CNTN5: variants seen among roughly 807,000 people sequenced by gnomAD.
The protein encoded by CNTN5 is contactin 5.
In CNTN5, 77 loss-of-function variants were observed where a neutral mutation model predicts 129.1. The observed-to-expected ratio is 0.60, with a 90% CI of 0.50 to 0.72. The LOEUF (loss-of-function observed/expected upper bound fraction) is 0.72, where lower values mean the gene tolerates loss of function less well. Ranked by LOEUF, CNTN5 falls within the 30% of genes least tolerant of loss-of-function variation. The pLI, the probability that CNTN5 is intolerant of heterozygous loss-of-function variation, is 0.00. For missense variants in CNTN5, 1,478 were observed against 1,328.8 expected (o/e 1.11, Z -1.75); for synonymous variants, 509 against 465.6 (o/e 1.09, Z -1.20).
At chr11:99,358,006 AAAT>A (rs1040843972) in intron 2 of CNTN5, among the ~76,000 whole-genome samples, 3 of 147,564 alleles carry the variant, frequency 2.0e-5, no homozygotes, top group Non-Finnish European at 4.5e-5. Context: ...TCTGTCTCAA[AAAT>A]AATAATAATA....
At chr11:99,155,735 A>G (rs1591286774) in intron 1 of CNTN5, among the ~76,000 whole-genome samples, 2 of 152,196 alleles carry the variant, frequency 1.3e-5, no homozygotes, top group East Asian at 3.8e-4. Context: ...CAAAGTCACA[A>G]TGATGACAAT....
chr11:100,248,263 G>A (rs1467960481), intron 16 of CNTN5, among the ~76,000 whole-genome samples: 1 of 152,116 alleles, frequency 6.6e-6, no homozygotes, highest in Non-Finnish European at 1.5e-5. Flanking sequence ...AGAAACAACA[G>A]GGGTCAGGTA....
chr11:99,173,883 A>G (rs1042689477), intron 1 of CNTN5, among the ~76,000 whole-genome samples: 9 of 152,226 alleles, frequency 5.9e-5, no homozygotes, highest in African/African-American at 1.7e-4. Flanking sequence ...AGCCTAAGCA[A>G]GGATGGTGGC....
chr11:99,475,538 C>G lies in CNTN5; in HGVS notation c.-70-80607C>G, dbSNP rs1455340979. 2.0e-5 allele frequency among the ~76,000 whole-genome samples: 3 copies of G among 152,010 alleles called. No individual in the cohort carries two copies. In the East Asian group the frequency reaches 5.8e-4, roughly 29 times the overall value. ...GTTATATAGCTTACACTGTATTATACTTTTGTCCTCTTTCTAAAATTATTT... is the reference window on the plus strand; with the variant it reads ...GTTATATAGCTTACACTGTATTATAGTTTTGTCCTCTTTCTAAAATTATTT... On this transcript the variant is annotated intron_variant, in intron 2 of 24. Transcript: ENST00000524871.
At chr11:99,900,410 T>C (rs552369319) in intron 6 of CNTN5, among the ~76,000 whole-genome samples, 2 of 152,214 alleles carry the variant, frequency 1.3e-5, no homozygotes, top group African/African-American at 2.4e-5. Context: ...CTTTTTGATG[T>C]ATTTCTGGAT....
intron 2 of CNTN5, among the ~76,000 whole-genome samples, chr11:99,518,148 A>C (rs1406962275): frequency 1.3e-5 from 2 of 152,066 alleles, no homozygotes; most frequent in East Asian, 3.9e-4. Context: ...TCCAGGTTTC[A>C]AATTTCCAGT....
intron 17 of CNTN5, among the ~76,000 whole-genome samples, chr11:100,259,426 C>T (rs1008942939): frequency 2.0e-5 from 3 of 152,128 alleles, no homozygotes; most frequent in African/African-American, 7.2e-5. Context: ...GACTTAAACT[C>T]AGCTCTGGAC....
intron 1 of CNTN5, among the ~76,000 whole-genome samples, chr11:99,201,465 T>C (rs1320887178): frequency 6.6e-6 from 1 of 151,980 alleles, no homozygotes; most frequent in Non-Finnish European, 1.5e-5. Flanking sequence ...TTTTTTTCTT[T>C]TCTGTTCTTT....
chr11:99,236,708 G>A (rs2135744590), intron 1 of CNTN5, among the ~76,000 whole-genome samples: 1 of 152,258 alleles, frequency 6.6e-6, no homozygotes, highest in Non-Finnish European at 1.5e-5. Context: ...AGCATGGAGA[G>A]AATTATTGCA....
intron 3 of CNTN5, among the ~76,000 whole-genome samples, chr11:99,758,178 A>G (rs796532491): frequency 1.3e-5 from 2 of 152,206 alleles, no homozygotes; most frequent in African/African-American, 4.8e-5. Flanking sequence ...ACTGTCCTCA[A>G]GGTTGACCTT....
At chr11:99,824,473 T>C (rs1361621219) in intron 4 of CNTN5, among the ~76,000 whole-genome samples, 1 of 152,018 alleles carries the variant, frequency 6.6e-6, no homozygotes, top group African/African-American at 2.4e-5. Context: ...CATTTAACTG[T>C]AGGAAATTTA....
chr11:99,852,623 A>G (rs560788075), intron 6 of CNTN5, among the ~76,000 whole-genome samples: 4 of 152,324 alleles, frequency 2.6e-5, no homozygotes, highest in African/African-American at 7.2e-5. Flanking sequence ...TACTTTCATT[A>G]TGTATGAAAA....
At chr11:100,161,916 G>T (rs1374320501) in intron 13 of CNTN5, among the ~76,000 whole-genome samples, 1 of 149,858 alleles carries the variant, frequency 6.7e-6, no homozygotes, top group Non-Finnish European at 1.5e-5. Context: ...AGCATTGACT[G>T]GTCTTGGAAC....
intron 2 of CNTN5, among the ~76,000 whole-genome samples, chr11:99,419,667 G>A (rs1942802968): frequency 6.6e-6 from 1 of 152,118 alleles, no homozygotes; most frequent in South Asian, 2.1e-4. Context: ...TTTACTTACA[G>A]TAGATTGAGT....
intron 4 of CNTN5, among the ~76,000 whole-genome samples, chr11:99,821,042 A>G (rs1946785402): frequency 6.6e-6 from 1 of 152,200 alleles, no homozygotes; most frequent in African/African-American, 2.4e-5. Context: ...TTTATTTTCC[A>G]AAGTACTTAC....
chr11:100,351,014 T>C, intron 24 of CNTN5, 144 bp downstream of exon 24: 1 of 599,072 alleles, frequency 1.7e-6, no homozygotes, highest in Middle Eastern at 3.6e-4. Context: ...TATCTTCTGA[T>C]TAATATGAAC....
At chr11:99,607,790 A>G (rs1316067579) in intron 3 of CNTN5, among the ~76,000 whole-genome samples, 3 of 133,162 alleles carry the variant, frequency 2.3e-5, no homozygotes, top group Non-Finnish European at 3.4e-5. Flanking sequence ...ATGAGTTCAT[A>G]TCCTTTGTAG....
intron 1 of CNTN5, among the ~76,000 whole-genome samples, chr11:99,209,420 G>A (rs531200870): frequency 6.6e-6 from 1 of 152,150 alleles, no homozygotes; most frequent in Admixed American, 6.5e-5. Context: ...GTCACATGGC[G>A]AGACCAGGAG....
intron 13 of CNTN5, among the ~76,000 whole-genome samples, chr11:100,075,806 C>T (rs1407337337): frequency 6.6e-6 from 1 of 152,088 alleles, no homozygotes; most frequent in East Asian, 1.9e-4. Context: ...GGAGAGAATT[C>T]TGGTTTCTAT....
Sources: gnomAD v4.1 joint callset for allele counts (sites outside exome capture counted in the v4.1 genomes callset) on GRCh38, gnomAD v4.1.1 for gene constraint, MANE v1.5 for transcripts, NCBI Gene and HGNC (gene_info 2026-07-23, HGNC 2026-07-21) for gene names.